The following NXPE2 variants were observed in gnomAD, a reference collection of about 807,000 sequenced individuals.
NXPE2 encodes the protein neurexophilin and PC-esterase domain family member 2.
Under a neutral mutation model 34.4 loss-of-function variants are expected in NXPE2, and 34 were observed. The observed-to-expected ratio is 0.99, with a 90% CI of 0.75 to 1.31. The LOEUF (loss-of-function observed/expected upper bound fraction) is 1.31, where lower values mean the gene tolerates loss of function less well. NXPE2 is among the 40% of genes most tolerant of loss of function. NXPE2 has a pLI of 0.00. For missense variants in NXPE2, 649 were observed against 672.5 expected (o/e 0.97, Z 0.39); for synonymous variants, 235 against 231.3 (o/e 1.02, Z -0.15).
the NXPE2 span, among the ~76,000 whole-genome samples, chr11:114,594,956 A>C: frequency 2.0e-5 from 3 of 152,108 alleles, no homozygotes; most frequent in Admixed American, 6.6e-5. Flanking sequence ...TCTTTTAGCT[A>C]TCTGCTTGTA....
At chr11:114,627,097 A>C in the NXPE2 span, among the ~76,000 whole-genome samples, 55 of 152,116 alleles carry the variant, frequency 3.6e-4, no homozygotes, top group African/African-American at 1.3e-3. Context: ...AACACTCTGC[A>C]GGATATTATC....
chr11:114,746,242 G>A, the NXPE2 span, among the ~76,000 whole-genome samples: 181 of 152,162 alleles, frequency 1.2e-3, no homozygotes, highest in Non-Finnish European at 2.3e-3. Flanking sequence ...TCATCAAGGG[G>A]CATCCCTACT....
chr11:114,481,052 G>T, the NXPE2 span, among the ~76,000 whole-genome samples: 1 of 152,106 alleles, frequency 6.6e-6, no homozygotes. Flanking sequence ...TATCCCAGGG[G>T]ATAAATAAAA....
the NXPE2 span, among the ~76,000 whole-genome samples, chr11:114,717,731 A>T: frequency 6.6e-6 from 1 of 152,144 alleles, no homozygotes; most frequent in Non-Finnish European, 1.5e-5. Context: ...CCCCCCACTG[A>T]GAGGAGGTTT....
At chr11:114,473,585 A>C in the NXPE2 span, among the ~76,000 whole-genome samples, 1 of 152,258 alleles carries the variant, frequency 6.6e-6, no homozygotes, top group African/African-American at 2.4e-5. Flanking sequence ...GATAAACTTC[A>C]TTACAGACTA....
the NXPE2 span, among the ~76,000 whole-genome samples, chr11:114,550,049 A>T: frequency 6.6e-6 from 1 of 152,132 alleles, no homozygotes; most frequent in African/African-American, 2.4e-5. Flanking sequence ...CTCACAAAAC[A>T]CTACTGAAGA....
the NXPE2 span, among the ~76,000 whole-genome samples, chr11:114,485,675 G>T: frequency 6.6e-6 from 1 of 151,984 alleles, no homozygotes; most frequent in Non-Finnish European, 1.5e-5. Context: ...CCAGTGTCTG[G>T]TAACCATCCT....
the NXPE2 span, among the ~76,000 whole-genome samples, chr11:114,497,966 T>A: frequency 6.6e-6 from 1 of 152,162 alleles, no homozygotes; most frequent in Non-Finnish European, 1.5e-5. Context: ...TTGGTAGTTT[T>A]CATTATATAA....
At chr11:114,769,201 G>GA in the NXPE2 span, among the ~76,000 whole-genome samples, 129 of 147,584 alleles carry the variant, frequency 8.7e-4, 1 homozygote, top group African/African-American at 2.8e-3. Context: ...ACAAACATAT[G>GA]AAAAAAAAAA....
the NXPE2 span, among the ~76,000 whole-genome samples, chr11:114,564,132 A>G: frequency 6.6e-6 from 1 of 152,220 alleles, no homozygotes; most frequent in African/African-American, 2.4e-5. Flanking sequence ...CATAAAAAGG[A>G]AGGAAATAAT....
intron 2 of NXPE2, among the ~76,000 whole-genome samples, chr11:114,683,852 G>T (rs1189322557): frequency 6.6e-6 from 1 of 152,168 alleles, no homozygotes; most frequent in Admixed American, 6.6e-5. Context: ...AATAAAGATG[G>T]AGAAAAGTCA....
chr11:114,786,321 T>C, the NXPE2 span, among the ~76,000 whole-genome samples: 1 of 151,262 alleles, frequency 6.6e-6, no homozygotes, highest in Non-Finnish European at 1.5e-5. Context: ...TAATTGGGTA[T>C]TCAAAGAGCT....
At chr11:114,751,396 T>C in the NXPE2 span, among the ~76,000 whole-genome samples, 3 of 152,220 alleles carry the variant, frequency 2.0e-5, no homozygotes, top group Non-Finnish European at 4.4e-5. Context: ...AGACATTTAG[T>C]GAGTTCCTAA....
chr11:114,622,040 G>T, the NXPE2 span, among the ~76,000 whole-genome samples: 1 of 152,116 alleles, frequency 6.6e-6, no homozygotes, highest in Non-Finnish European at 1.5e-5. Context: ...TTACCCAGTG[G>T]ATAATAAGTA....
chr11:114,558,958 A>C, the NXPE2 span, among the ~76,000 whole-genome samples: 1 of 152,218 alleles, frequency 6.6e-6, no homozygotes, highest in Non-Finnish European at 1.5e-5. Context: ...TGAAATGGTT[A>C]AGAAACATGT....
At chr11:114,713,108 G>A in the NXPE2 span, among the ~76,000 whole-genome samples, 1 of 152,146 alleles carries the variant, frequency 6.6e-6, no homozygotes, top group Non-Finnish European at 1.5e-5. Context: ...TAGAAAGGTG[G>A]TTATCAAGGG....
At chr11:114,776,430 TAAG>T in the NXPE2 span, among the ~76,000 whole-genome samples, 2 of 152,276 alleles carry the variant, frequency 1.3e-5, no homozygotes, top group African/African-American at 2.4e-5. Context: ...CGCAGGAAGT[TAAG>T]AAGCTTTTCT....
the NXPE2 span, among the ~76,000 whole-genome samples, chr11:114,473,802 T>G: frequency 2.0e-5 from 3 of 152,230 alleles, no homozygotes; most frequent in African/African-American, 7.2e-5. Flanking sequence ...GGTTTTCAAT[T>G]TCAGTCCTGC....
At chr11:114,812,662 C>T in the NXPE2 span, among the ~76,000 whole-genome samples, 1 of 152,136 alleles carries the variant, frequency 6.6e-6, no homozygotes, top group Non-Finnish European at 1.5e-5. Flanking sequence ...TTGAGAGAAT[C>T]ACCTTTTCCA....
Sources: gnomAD v4.1 joint callset for allele counts (sites outside exome capture counted in the v4.1 genomes callset) on GRCh38, gnomAD v4.1.1 for gene constraint, MANE v1.5 for transcripts, NCBI Gene and HGNC (gene_info 2026-07-23, HGNC 2026-07-21) for gene names.